Variants in EIF2D observed in about 807,000 individuals in gnomAD.
EIF2D encodes the protein eukaryotic translation initiation factor 2D.
Under a neutral mutation model 77.4 loss-of-function variants are expected in EIF2D, and 56 were observed. The observed-to-expected ratio is 0.72, with a 90% CI of 0.58 to 0.90. EIF2D has a LOEUF of 0.90. Ranked by LOEUF, EIF2D falls within the 40% of genes least tolerant of loss-of-function variation. EIF2D has a pLI of 0.00. For missense variants in EIF2D, 574 were observed against 706.5 expected, an observed-to-expected ratio of 0.81 and a Z score of 2.13; for synonymous variants, 230 against 271.0, an observed-to-expected ratio of 0.85 and a Z score of 1.49.
In EIF2D at chr1:206,599,925, G is replaced by A; in HGVS notation, c.949-89C>T. 7.8e-7 allele frequency: 1 copy of A among 1,281,094 alleles called. No individual in the cohort carries two copies. Among genetic ancestry groups the A allele is most frequent in the Non-Finnish European group, 1.1e-6 (1 of 899,968 alleles). 79.4% of individuals were successfully genotyped at this position (1,281,094 alleles called of 1,614,324 possible). On this transcript the variant is annotated intron_variant, in intron 8 of 14. Transcript: ENST00000271764. This position sits in a 1 kb window ranked among gnomAD's most constrained non-coding sequence, Gnocchi z 4.1. ...GATGTGCCAGAGTGAGCTAGGCAGG[G>A]ACTGTGCAGGGATATGAGACAGCCC... is the stretch of plus-strand genomic sequence containing the variant.
At chr1:206,600,158 A>T in intron 8 of EIF2D, 105 bp downstream of exon 8, 2 of 1,199,820 alleles carry the variant, frequency 1.7e-6, no homozygotes, top group Non-Finnish European at 2.4e-6. Flanking sequence ...GCTTAATTCT[A>T]GACTGAGCCT....
chr1:206,593,490 A>G (rs113332386), intron 14 of EIF2D, 129 bp downstream of exon 14: 1 of 242,922 alleles, frequency 4.1e-6, no homozygotes. Context: ...AGAGAGAGCG[A>G]GAGAGAGAGA....
At chr1:206,602,090 A>G in intron 7 of EIF2D, 1 of 442,012 alleles carries the variant, frequency 2.3e-6, no homozygotes. Flanking sequence ...CAGGAATTTT[A>G]ACTTTCCGGT....
chr1:206,608,966 C>A (rs1553413270), intron 3 of EIF2D, among the ~76,000 whole-genome samples: 1 of 152,002 alleles, frequency 6.6e-6, no homozygotes, highest in African/African-American at 2.4e-5. Context: ...GCAGGAGAAT[C>A]ACTTGAACCT....
intron 2 of EIF2D, among the ~76,000 whole-genome samples, chr1:206,610,089 T>TA (rs1375050500): frequency 5.3e-5 from 8 of 152,206 alleles, no homozygotes; most frequent in African/African-American, 1.7e-4. Flanking sequence ...ACTCATAGCC[T>TA]AAAAAATCCC....
chr1:206,590,668 G>A (rs143184340), downstream of EIF2D, among the ~76,000 whole-genome samples: 25 of 152,274 alleles, frequency 1.6e-4, no homozygotes, highest in East Asian at 3.7e-3. Flanking sequence ...CAGACGGTAG[G>A]AGGCGCCACA....
At chr1:206,586,756 T>C, downstream of EIF2D, 1 of 1,221,126 alleles carries the variant, frequency 8.2e-7, no homozygotes, top group Non-Finnish European at 1.2e-6. Context: ...GCAGGGTCTC[T>C]CAGGTCGTGT....
At chr1:206,600,405 C>A in intron 7 of EIF2D, 97 bp from the exon 8 acceptor site, 2 of 1,157,036 alleles carry the variant, frequency 1.7e-6, no homozygotes, top group South Asian at 1.4e-5. Context: ...GCCTTCCTCC[C>A]CCACCTTCAG....
chr1:206,593,897 G>A, intron 13 of EIF2D, 104 bp from the exon 14 acceptor site: 2 of 1,023,804 alleles, frequency 2.0e-6, no homozygotes, highest in Non-Finnish European at 2.8e-6. Context: ...TGTGTTCTCT[G>A]ATGGTTCACC....
intron 7 of EIF2D, 60 bp downstream of exon 7, chr1:206,602,276 C>T: frequency 7.3e-7 from 1 of 1,379,266 alleles, no homozygotes; most frequent in Non-Finnish European, 1.0e-6. Flanking sequence ...TGTCCTACTA[C>T]CAAGGAGCAC....
rs1553406996 is a variant in EIF2D, at chr1:206,584,344, A to G, written c.139-3182T>C. ...CCCGAGTGGCAGATATGATCATGCA[A>G]GGCGGACGGCCCTGACCCCCTGTGA... On this transcript the variant is annotated intron_variant and NMD_transcript_variant, in intron 2 of 5. Coordinates refer to the EIF2D transcript ENST00000472709. The surrounding 1 kb of genome is among the most constrained non-coding windows in gnomAD (Gnocchi z 4.9). 6.4e-7 allele frequency: 1 copy of G among 1,564,888 alleles called. No homozygotes were observed. Among genetic ancestry groups the G allele is most frequent in the Non-Finnish European group, 8.7e-7 (1 of 1,153,594 alleles).
rs562704609 is a variant in EIF2D, at chr1:206,596,213, G to C, written c.1389-375C>G. Among the ~76,000 whole-genome samples, 89 of 152,298 alleles carry C rather than the reference G, an allele frequency of 5.8e-4. No individual in the cohort carries two copies. In the Middle Eastern group the frequency reaches 0.01, roughly 17 times the overall value. On this transcript the variant is annotated intron_variant, in intron 12 of 14. Coordinates refer to ENST00000271764, the MANE Select transcript of EIF2D (RefSeq NM_006893.3). Reference sequence around the variant, plus strand: ...GTGCCTTAAGTGGCCCATTGCCTGCGAGTGCTGCTTCACATTTCTGACATG... The same window carrying C: ...GTGCCTTAAGTGGCCCATTGCCTGCCAGTGCTGCTTCACATTTCTGACATG...
Position 206,593,508 on chromosome 1 carries a change from AGTGTGTGTGTGTGT to A in EIF2D, c.1684+97_1684+110del, listed in dbSNP as rs782562616. On this transcript the variant is annotated intron_variant, in intron 14 of 14. Coordinates refer to ENST00000271764, the MANE Select transcript of EIF2D (RefSeq NM_006893.3). Reference sequence around the variant, plus strand: ...GAGAGCGAGAGAGAGAGAGAGAGAGAGTGTGTGTGTGTGTGTGTGTGTGTGTGTGTGTGTATTAT... The same window carrying A: ...GAGAGCGAGAGAGAGAGAGAGAGAGAGTGTGTGTGTGTGTGTGTGTATTAT... 1.7e-5 allele frequency: 7 copies of A among 401,590 alleles called. 1 individual carries two copies. The highest frequency in any genetic ancestry group is 1.3e-4 in the Admixed American group (3 of 22,674). The allele number at this position is 401,590 out of a possible 1,614,324, so 24.9% of individuals were successfully genotyped here. A position where few individuals can be genotyped will look rare whatever the true frequency, so the allele number is the denominator to read the frequency against.
chr1:206,576,765 T>C (rs562992880), intron 4 of EIF2D, among the ~76,000 whole-genome samples: 75 of 152,294 alleles, frequency 4.9e-4, no homozygotes, highest in Non-Finnish European at 7.4e-5. Context: ...AACAACAGCA[T>C]AGAGCAAACT....
In EIF2D at chr1:206,599,199, C is replaced by T. The variant is rs1669800568; in HGVS notation, c.1203-107G>A. On this transcript the variant is annotated intron_variant, in intron 10 of 14. Transcript: ENST00000271764. The surrounding 1 kb of genome is among the most constrained non-coding windows in gnomAD (Gnocchi z 4.1). ...TGAGCAGGGAACTTTCCTTAGCTTTCGGCCTCTAGTTTCTTCCCTTTTCCT... is the reference window on the plus strand; with the variant it reads ...TGAGCAGGGAACTTTCCTTAGCTTTTGGCCTCTAGTTTCTTCCCTTTTCCT... The T allele has an allele frequency of 1.4e-5, 15 of 1,110,838 alleles. No individual in the cohort carries two copies. Among genetic ancestry groups the T allele is most frequent in the Admixed American group, 2.4e-5 (1 of 41,368 alleles). The allele number at this position is 1,110,838 out of a possible 1,614,324, so 68.8% of individuals were successfully genotyped here.
downstream of EIF2D, chr1:206,587,365 T>C (rs1669160126): frequency 3.2e-6 from 1 of 316,554 alleles, no homozygotes; most frequent in Non-Finnish European, 6.1e-6. Flanking sequence ...TTGATTCCTC[T>C]TTGAGTTCTC....
chr1:206,569,448 T>C (rs1354931110), downstream of EIF2D, among the ~76,000 whole-genome samples: 1 of 152,182 alleles, frequency 6.6e-6, no homozygotes, highest in African/African-American at 2.4e-5. Flanking sequence ...TTCTTTCAGA[T>C]CTTTAAAGAT....
At chr1:206,589,024 G>A (rs2102267952), downstream of EIF2D, 1 of 152,868 alleles carries the variant, frequency 6.5e-6, no homozygotes, top group South Asian at 2.1e-4. Flanking sequence ...TTTATGAAAT[G>A]AGAAAATTAT....
intron 2 of EIF2D, chr1:206,583,320 A>T: frequency 6.2e-7 from 1 of 1,613,464 alleles, no homozygotes; most frequent in Non-Finnish European, 8.5e-7. Flanking sequence ...ACTGCAGGAG[A>T]TCAAGCAGAA....
Sources: allele counts gnomAD v4.1 joint callset (sites outside exome capture counted in the v4.1 genomes callset), GRCh38; gene constraint gnomAD v4.1.1; non-coding constraint Gnocchi (gnomAD v3.1); transcripts MANE v1.5; gene names NCBI Gene and HGNC (gene_info 2026-07-23, HGNC 2026-07-21).